Variants in TRPM3 observed in about 807,000 individuals in gnomAD.
The protein encoded by TRPM3 is long transient receptor potential channel 3.
Under a neutral mutation model 181.2 loss-of-function variants are expected in TRPM3, and 77 were observed. The observed-to-expected ratio is 0.42, with a 90% CI of 0.35 to 0.51. The LOEUF (loss-of-function observed/expected upper bound fraction) is 0.51. Ranked by LOEUF, TRPM3 falls within the 20% of genes least tolerant of loss-of-function variation. The probability of loss-of-function intolerance (pLI) is 0.01; values close to 1 mark genes in which losing one functional copy is unlikely to be tolerated. For synonymous variants in TRPM3, 745 were observed against 796.4 expected, an observed-to-expected ratio of 0.94 and a Z score of 1.09; for missense variants, 1,759 against 2,196.7, an observed-to-expected ratio of 0.80 and a Z score of 3.98.
chr9:71,346,475 A>G (rs1710856213), intron 1 of TRPM3, among the ~76,000 whole-genome samples: 1 of 152,234 alleles, frequency 6.6e-6, no homozygotes, highest in African/African-American at 2.4e-5. Context: ...ATTAAATTGC[A>G]TTAGCTTTCT....
chr9:70,898,747 C>CAAAAAAAAAAAAAAAAAAAAAAAA (rs34952516), intron 1 of TRPM3, among the ~76,000 whole-genome samples: 3 of 93,342 alleles, frequency 3.2e-5, no homozygotes, highest in African/African-American at 4.2e-5. Flanking sequence ...GACTTCATCT[C>CAAAAAAAAAAAAAAAAAAAAAAAA]AAAAAAAAAA....
chr9:70,635,577 G>A (rs910632518), intron 11 of TRPM3, among the ~76,000 whole-genome samples: 1 of 150,222 alleles, frequency 6.7e-6, no homozygotes, highest in African/African-American at 2.4e-5. Context: ...AGCCTCCTGA[G>A]TAGCTGGGAC....
At chr9:71,040,936 C>T (rs544044870) in intron 1 of TRPM3, among the ~76,000 whole-genome samples, 58 of 152,256 alleles carry the variant, frequency 3.8e-4, no homozygotes, top group Admixed American at 3.5e-3. Flanking sequence ...AGACTAAGCA[C>T]TTTCCTAGAC....
intron 1 of TRPM3, among the ~76,000 whole-genome samples, chr9:71,321,149 G>A (rs901037512): frequency 1.3e-5 from 2 of 152,030 alleles, no homozygotes; most frequent in Admixed American, 1.3e-4. Flanking sequence ...TGAGCCAGAA[G>A]GATCTTTCAA....
chr9:71,422,696 T>C (rs574962585), intron 1 of TRPM3, among the ~76,000 whole-genome samples: 7 of 152,148 alleles, frequency 4.6e-5, no homozygotes, highest in Admixed American at 2.6e-4. Flanking sequence ...AGGAGACACA[T>C]TTGACTAAAC....
At chr9:71,006,461 T>G (rs2097674807) in intron 1 of TRPM3, among the ~76,000 whole-genome samples, 1 of 151,424 alleles carries the variant, frequency 6.6e-6, no homozygotes, top group African/African-American at 2.4e-5. Context: ...TCACTTCACC[T>G]ATAATGATAC....
intron 1 of TRPM3, among the ~76,000 whole-genome samples, chr9:71,432,539 G>T (rs1257993869): frequency 2.0e-5 from 3 of 151,776 alleles, no homozygotes; most frequent in Non-Finnish European, 4.4e-5. Flanking sequence ...TTCTCATTTT[G>T]TCCTAGGCCT....
Position 71,227,624 on chromosome 9 carries a change from T to TA in TRPM3, c.183+219028dup, listed in dbSNP as rs35130738. Among the ~76,000 whole-genome samples the TA allele has an allele frequency of 2.0e-4, 30 of 149,542 alleles. 1 individual carries two copies. The highest frequency in any genetic ancestry group is 8.4e-4 in the South Asian group (4 of 4,746). Reference sequence around the variant, plus strand: ...CCAGGAAAAAGAGAGAGGATCCAAATAAAAAAAAATCAGAAATGAAAAAAA... The same window carrying TA: ...CCAGGAAAAAGAGAGAGGATCCAAATAAAAAAAAAATCAGAAATGAAAAAAA... On this transcript the variant is annotated intron_variant, in intron 1 of 24. Transcript: ENST00000357533.
At chr9:71,420,619 C>A (rs1375185548) in intron 1 of TRPM3, among the ~76,000 whole-genome samples, 24 of 84,834 alleles carry the variant, frequency 2.8e-4, no homozygotes, top group South Asian at 1.1e-3. Context: ...GAAAGAAAGA[C>A]AGAAAAAGAA....
chr9:70,804,849 C>G (rs1312919317), intron 6 of TRPM3, among the ~76,000 whole-genome samples: 2 of 152,120 alleles, frequency 1.3e-5, no homozygotes, highest in African/African-American at 4.8e-5. Context: ...TACTTATTTT[C>G]TATCCCCTCC....
intron 1 of TRPM3, among the ~76,000 whole-genome samples, chr9:71,225,148 CA>C (rs1208130761): frequency 2.0e-5 from 3 of 151,548 alleles, no homozygotes; most frequent in African/African-American, 4.8e-5. Context: ...AGATTTAACC[CA>C]AAAAAACACT....
At chr9:71,415,665 TA>T (rs1014020291) in intron 1 of TRPM3, among the ~76,000 whole-genome samples, 1 of 152,038 alleles carries the variant, frequency 6.6e-6, no homozygotes, top group Non-Finnish European at 1.5e-5. Flanking sequence ...GAAAACTGAC[TA>T]ATTCCCACTT....
intron 3 of TRPM3, among the ~76,000 whole-genome samples, chr9:70,851,662 G>T (rs2095234754): frequency 1.3e-5 from 2 of 152,144 alleles, no homozygotes; most frequent in Admixed American, 1.3e-4. Flanking sequence ...TTGTTACTCA[G>T]CTAGTAAGCA....
intron 1 of TRPM3, among the ~76,000 whole-genome samples, chr9:71,196,769 G>C (rs920606321): frequency 2.0e-5 from 3 of 151,948 alleles, no homozygotes; most frequent in Non-Finnish European, 4.4e-5. Context: ...AGAAAACTAG[G>C]ATATGAACAC....
chr9:71,134,733 T>C (rs1669384818), intron 1 of TRPM3, among the ~76,000 whole-genome samples: 1 of 152,194 alleles, frequency 6.6e-6, no homozygotes, highest in African/African-American at 2.4e-5. Context: ...AATTGAATGC[T>C]ATCTTATTGG....
intron 3 of TRPM3, among the ~76,000 whole-genome samples, chr9:70,851,178 C>T (rs1250942736): frequency 6.6e-6 from 1 of 151,970 alleles, no homozygotes; most frequent in African/African-American, 2.4e-5. Flanking sequence ...AAAGAAAATC[C>T]CGAAAAACAA....
At chr9:71,112,196 T>G (rs1331135825) in intron 1 of TRPM3, among the ~76,000 whole-genome samples, 4 of 152,216 alleles carry the variant, frequency 2.6e-5, no homozygotes, top group Non-Finnish European at 5.9e-5. Flanking sequence ...GTATTTTATC[T>G]ATTTTACAAT....
chr9:70,830,509 T>A (rs908977215), intron 5 of TRPM3, among the ~76,000 whole-genome samples: 1 of 152,176 alleles, frequency 6.6e-6, no homozygotes, highest in Non-Finnish European at 1.5e-5. Context: ...ATCTTACTGA[T>A]CCCTATTTCT....
At chr9:71,354,266 T>C (rs1321490279) in intron 1 of TRPM3, among the ~76,000 whole-genome samples, 2 of 152,134 alleles carry the variant, frequency 1.3e-5, no homozygotes, top group Admixed American at 1.3e-4. Flanking sequence ...ACAAGAAGAC[T>C]CGTCCTGTAA....
Sources: gnomAD v4.1 joint callset for allele counts (sites outside exome capture counted in the v4.1 genomes callset) on GRCh38, gnomAD v4.1.1 for gene constraint, MANE v1.5 for transcripts, NCBI Gene and HGNC (gene_info 2026-07-23, HGNC 2026-07-21) for gene names.